The following AHI1 variants were observed in gnomAD, a reference collection of about 807,000 sequenced individuals.
The protein encoded by AHI1 is Abelson helper integration site 1.
AHI1 carries 123 observed loss-of-function variants against 149.3 expected under a neutral mutation model. The observed-to-expected ratio is 0.82, with a 90% CI of 0.71 to 0.96. The LOEUF (loss-of-function observed/expected upper bound fraction) is 0.96. Ranked by LOEUF, AHI1 falls within the 40% of genes least tolerant of loss-of-function variation. AHI1 has a pLI of 0.00. For synonymous variants in AHI1, 475 were observed against 459.8 expected (o/e 1.03, Z -0.42); for missense variants, 1,439 against 1,422.7 (o/e 1.01, Z -0.18).
chr6:135,379,977 T>TC (rs1341887331), intron 23 of AHI1, among the ~76,000 whole-genome samples: 2 of 58,140 alleles, frequency 3.4e-5, no homozygotes. Flanking sequence ...TCCCTCCCCT[T>TC]CACCCTCTCC....
intron 15 of AHI1, among the ~76,000 whole-genome samples, chr6:135,437,510 T>G (rs764548608): frequency 3.3e-5 from 5 of 152,214 alleles, no homozygotes; most frequent in Non-Finnish European, 5.9e-5. Flanking sequence ...AAATAAAAAC[T>G]AACCAATAAT....
chr6:135,362,332 C>T (rs909090380), intron 23 of AHI1, among the ~76,000 whole-genome samples: 1 of 151,964 alleles, frequency 6.6e-6, no homozygotes, highest in Admixed American at 6.6e-5. Context: ...GGAGCAAAAG[C>T]GCTACTTTTC....
At chr6:135,316,808 A>G (rs1222046592) in intron 26 of AHI1, among the ~76,000 whole-genome samples, 1 of 152,070 alleles carries the variant, frequency 6.6e-6, no homozygotes, top group Non-Finnish European at 1.5e-5. Flanking sequence ...TCAAATTCCA[A>G]TCCTGCATTT....
chr6:135,456,478 G>C (rs1788966800), intron 9 of AHI1, among the ~76,000 whole-genome samples: 1 of 151,580 alleles, frequency 6.6e-6, no homozygotes, highest in African/African-American at 2.4e-5. Context: ...CAGGGAGGTT[G>C]AGGCTGTAGT....
chr6:135,340,350 G>A (rs769210160), intron 24 of AHI1, among the ~76,000 whole-genome samples: 3 of 150,954 alleles, frequency 2.0e-5, no homozygotes, highest in Admixed American at 6.6e-5. Context: ...CATCCTGGGC[G>A]ACAGAGCGAG....
chr6:135,431,085 G>T, intron 17 of AHI1, 123 bp downstream of exon 17: 2 of 626,192 alleles, frequency 3.2e-6, no homozygotes, highest in Non-Finnish European at 5.4e-6. Context: ...TGATAACTAA[G>T]AAAAACTGTT....
At chr6:135,365,776 C>A (rs1309921545) in intron 23 of AHI1, among the ~76,000 whole-genome samples, 3 of 152,168 alleles carry the variant, frequency 2.0e-5, no homozygotes, top group Non-Finnish European at 4.4e-5. Context: ...AGTTTGACTT[C>A]TTTACTGATT....
At chr6:135,308,388 A>G (rs1418058725) in intron 26 of AHI1, among the ~76,000 whole-genome samples, 1 of 151,994 alleles carries the variant, frequency 6.6e-6, no homozygotes, top group Non-Finnish European at 1.5e-5. Flanking sequence ...GATGCACACT[A>G]CCATGCCTGG....
intron 13 of AHI1, among the ~76,000 whole-genome samples, chr6:135,442,985 A>G (rs1786558692): frequency 6.6e-6 from 1 of 152,182 alleles, no homozygotes; most frequent in Non-Finnish European, 1.5e-5. Flanking sequence ...CTGATACTCT[A>G]AAGCCATCAC....
chr6:135,424,207 T>C (rs1477742206), intron 20 of AHI1, among the ~76,000 whole-genome samples: 2 of 152,048 alleles, frequency 1.3e-5, no homozygotes, highest in African/African-American at 2.4e-5. Flanking sequence ...CAAACTGCAT[T>C]GATTTAAAGC....
At chr6:135,302,661 G>A in intron 26 of AHI1, 1 of 1,176,646 alleles carries the variant, frequency 8.5e-7, no homozygotes, top group Non-Finnish European at 1.1e-6. Flanking sequence ...ACTTGAAAAG[G>A]ACACTTACTT....
intron 8 of AHI1, 54 bp from the exon 9 acceptor site, chr6:135,457,767 A>T: frequency 6.8e-7 from 1 of 1,467,132 alleles, no homozygotes; most frequent in Non-Finnish European, 9.5e-7. Context: ...CCATAGTAGT[A>T]TTTACATATA....
At chr6:135,410,701 G>A (rs1226842903) in intron 21 of AHI1, among the ~76,000 whole-genome samples, 1 of 152,176 alleles carries the variant, frequency 6.6e-6, no homozygotes. Context: ...TATCTTAGAT[G>A]TCTTTCTAAA....
intron 5 of AHI1, among the ~76,000 whole-genome samples, chr6:135,485,852 G>A (rs1022356753): frequency 6.6e-6 from 1 of 152,044 alleles, no homozygotes; most frequent in Non-Finnish European, 1.5e-5. Context: ...GGCATAACAG[G>A]GAGCCTGTTA....
At chr6:135,381,115 A>T (rs1262619053) in intron 23 of AHI1, among the ~76,000 whole-genome samples, 2 of 152,126 alleles carry the variant, frequency 1.3e-5, no homozygotes, top group Non-Finnish European at 2.9e-5. Flanking sequence ...ACTCTTCATT[A>T]AATCTTCACT....
chr6:135,403,203 CA>C (rs1481508345), intron 22 of AHI1, among the ~76,000 whole-genome samples: 2 of 152,022 alleles, frequency 1.3e-5, no homozygotes, highest in African/African-American at 4.8e-5. Flanking sequence ...GGGCTTCATT[CA>C]GGGGTGATGA....
At chr6:135,466,647 G>C (rs1365940666) in intron 6 of AHI1, among the ~76,000 whole-genome samples, 1 of 152,040 alleles carries the variant, frequency 6.6e-6, no homozygotes, top group Non-Finnish European at 1.5e-5. Context: ...TGAATTAATT[G>C]CTCAAATCTC....
intron 26 of AHI1, among the ~76,000 whole-genome samples, chr6:135,315,582 C>A (rs891575635): frequency 8.5e-5 from 13 of 152,284 alleles, no homozygotes; most frequent in African/African-American, 3.1e-4. Flanking sequence ...ACCAAATCTG[C>A]CTTCTCTACT....
rs1001883076 is a variant in AHI1, at chr6:135,284,504, C to G, written c.*1141G>C. The G allele has an allele frequency of 1.3e-5, 2 of 151,642 alleles. No homozygotes were observed. Among genetic ancestry groups the G allele is most frequent in the African/African-American group, 4.8e-5 (2 of 41,312 alleles). The allele number at this position is 151,642 out of a possible 1,614,324, so 9.4% of individuals were successfully genotyped here. Reference sequence around the variant, plus strand: ...CTTGAGAAAGGAGTCAAGAAAAGAACAAAAAATGAATATCCCATTATAATA... The same window carrying G: ...CTTGAGAAAGGAGTCAAGAAAAGAAGAAAAAATGAATATCCCATTATAATA... On this transcript the variant is annotated 3_prime_UTR_variant, in exon 29 of 29. Transcript: ENST00000265602.
Sources: allele counts gnomAD v4.1 joint callset (sites outside exome capture counted in the v4.1 genomes callset), GRCh38; gene constraint gnomAD v4.1.1; transcripts MANE v1.5; gene names NCBI Gene and HGNC (gene_info 2026-07-23, HGNC 2026-07-21).